NAV3: variants seen among roughly 807,000 people sequenced by gnomAD.
NAV3 encodes neuron navigator 3.
Under a neutral mutation model 244.7 loss-of-function variants are expected in NAV3, and 87 were observed. The observed-to-expected ratio is 0.36, with a 90% CI of 0.30 to 0.42. The LOEUF (loss-of-function observed/expected upper bound fraction) is 0.42, where lower values mean the gene tolerates loss of function less well. Among genes scored for constraint, NAV3 ranks in the 20% least tolerant of loss-of-function variants. NAV3 has a pLI of 1.00. For synonymous variants in NAV3, 1,126 were observed against 1,042.2 expected (o/e 1.08, Z -1.55); for missense variants, 2,663 against 2,893.3 (o/e 0.92, Z 1.83).
chr12:77,880,895 G>C (rs995723544), intron 1 of NAV3, among the ~76,000 whole-genome samples: 19 of 152,066 alleles, frequency 1.2e-4, no homozygotes, highest in Admixed American at 1.2e-3. Context: ...ACCTAAGAAG[G>C]CGTTTCTTAG....
At chr12:77,943,525 G>A (rs1890067096) in intron 3 of NAV3, among the ~76,000 whole-genome samples, 1 of 152,104 alleles carries the variant, frequency 6.6e-6, no homozygotes, top group Non-Finnish European at 1.5e-5. Context: ...TTTTGCCTCT[G>A]TTCTTAAGAA....
intron 32 of NAV3, 84 bp from the exon 33 acceptor site, chr12:78,188,525 G>C (rs2139846643): frequency 1.5e-6 from 2 of 1,356,844 alleles, no homozygotes; most frequent in East Asian, 2.3e-5. Context: ...TTGACAACTA[G>C]CTCTATATCC....
intron 12 of NAV3, among the ~76,000 whole-genome samples, chr12:78,078,589 G>T (rs530864924): frequency 6.6e-6 from 1 of 151,592 alleles, no homozygotes; most frequent in East Asian, 2.0e-4. Context: ...TAGAGACGGG[G>T]TTTCACCGTT....
At chr12:77,711,731 GC>G (rs1876122669) in intron 2 of NAV3, among the ~76,000 whole-genome samples, 1 of 152,134 alleles carries the variant, frequency 6.6e-6, no homozygotes. Context: ...TTGACTGGAA[GC>G]TTTTACTGGT....
rs529223632 is a variant in NAV3, at chr12:78,092,563, G to C, written c.2637-24209G>C. On this transcript the variant is annotated intron_variant, in intron 12 of 39. Transcript: ENST00000397909. ...CGCCCAGGCTGTAGTGCAGTGGTGC[G>C]ATCTTGGTTCACTGCAATCTCCGCC... is the stretch of plus-strand genomic sequence containing the variant. 2.2e-5 allele frequency among the ~76,000 whole-genome samples: 3 copies of C among 139,220 alleles called. No individual in the cohort carries two copies. In the South Asian group the frequency reaches 6.9e-4, roughly 32 times the overall value. 91.3% of individuals were successfully genotyped at this position (139,220 alleles called of 152,430 possible).
chr12:77,915,447 A>G (rs1887036927), intron 1 of NAV3, among the ~76,000 whole-genome samples: 1 of 152,040 alleles, frequency 6.6e-6, no homozygotes, highest in Admixed American at 6.6e-5. Context: ...TAACAGATGT[A>G]GAGATTATCA....
intron 2 of NAV3, among the ~76,000 whole-genome samples, chr12:77,811,275 C>T (rs1872273884): frequency 6.6e-6 from 1 of 152,152 alleles, no homozygotes; most frequent in African/African-American, 2.4e-5. Flanking sequence ...TGATAATTTA[C>T]ATAGTTTCTG....
chr12:77,617,660 T>C (rs974479800), intron 2 of NAV3, among the ~76,000 whole-genome samples: 1 of 152,084 alleles, frequency 6.6e-6, no homozygotes, highest in East Asian at 1.9e-4. Flanking sequence ...GAATTCTGCG[T>C]TGGGGCTTTT....
chr12:77,594,179 A>G (rs2136735048), intron 2 of NAV3, among the ~76,000 whole-genome samples: 1 of 152,302 alleles, frequency 6.6e-6, no homozygotes. Flanking sequence ...TTACAATTGT[A>G]GGCACTTTAT....
chr12:78,135,702 T>C (rs1436820454), intron 18 of NAV3, among the ~76,000 whole-genome samples: 1 of 152,190 alleles, frequency 6.6e-6, no homozygotes, highest in African/African-American at 2.4e-5. Context: ...GTCTTCAATG[T>C]CCTACAGTGT....
intron 20 of NAV3, among the ~76,000 whole-genome samples, chr12:78,145,867 G>A (rs1194010607): frequency 1.3e-5 from 2 of 152,076 alleles, no homozygotes; most frequent in Non-Finnish European, 2.9e-5. Context: ...TATCAGTAGA[G>A]GTCTGTATGT....
chr12:77,887,710 T>A (rs1250514331), intron 1 of NAV3, among the ~76,000 whole-genome samples: 2 of 152,144 alleles, frequency 1.3e-5, no homozygotes, highest in Non-Finnish European at 2.9e-5. Flanking sequence ...TTTTGTGAAA[T>A]ATTTTTAGAG....
chr12:78,068,486 A>G (rs1952592374), intron 12 of NAV3, among the ~76,000 whole-genome samples: 1 of 150,664 alleles, frequency 6.6e-6, no homozygotes, highest in East Asian at 1.9e-4. Flanking sequence ...CAGATTGTCA[A>G]TAGATCTTAA....
intron 11 of NAV3, among the ~76,000 whole-genome samples, chr12:78,054,950 G>C (rs1566069381): frequency 6.6e-6 from 1 of 152,130 alleles, no homozygotes; most frequent in Non-Finnish European, 1.5e-5. Flanking sequence ...CTCAATAAAA[G>C]AGAGCAGGAA....
Position 77,689,905 on chromosome 12 carries a change from T to A in NAV3, c.72+117639T>A, listed in dbSNP as rs150959786. 5.0e-3 allele frequency among the ~76,000 whole-genome samples: 761 copies of A among 151,998 alleles called. 6 individuals carry two copies. The highest frequency in any genetic ancestry group is 0.018 in the African/African-American group (735 of 41,552). ...GCAAAGTCAGCAGTTAATGATAGCA[T>A]GTTAAATATTTGTTACAGTACCCAT... On this transcript the variant is annotated intron_variant, in intron 2 of 8. Transcript: ENST00000550042.
At chr12:77,595,476 G>A (rs1870125191) in intron 2 of NAV3, among the ~76,000 whole-genome samples, 1 of 152,068 alleles carries the variant, frequency 6.6e-6, no homozygotes, top group African/African-American at 2.4e-5. Context: ...TAAGCATAAT[G>A]ACTATAAATA....
At chr12:77,824,316 C>A (rs560710663) in intron 2 of NAV3, among the ~76,000 whole-genome samples, 21 of 136,282 alleles carry the variant, frequency 1.5e-4, no homozygotes, top group African/African-American at 5.9e-4. Context: ...TGGTCTCAAA[C>A]TCCTGAGCTC....
chr12:77,930,070 A>G (rs1372717419), intron 1 of NAV3, among the ~76,000 whole-genome samples: 2 of 152,156 alleles, frequency 1.3e-5, no homozygotes, highest in Non-Finnish European at 2.9e-5. Context: ...TCTCCAACAA[A>G]AAGAATGAAT....
intron 2 of NAV3, among the ~76,000 whole-genome samples, chr12:77,585,413 C>T (rs1044171149): frequency 2.6e-5 from 4 of 152,134 alleles, no homozygotes; most frequent in African/African-American, 7.2e-5. Context: ...AGGAAAATTT[C>T]CTAGGACCCT....
Sources: gnomAD v4.1 joint callset for allele counts (sites outside exome capture counted in the v4.1 genomes callset) on GRCh38, gnomAD v4.1.1 for gene constraint, MANE v1.5 for transcripts, NCBI Gene and HGNC (gene_info 2026-07-23, HGNC 2026-07-21) for gene names.